The following MBD5 variants were observed in gnomAD, a reference collection of about 807,000 sequenced individuals.
MBD5 encodes methyl-CpG-binding domain protein 5.
In MBD5, 13 loss-of-function variants were observed where a neutral mutation model predicts 117.3. The ratio of observed to expected loss-of-function variants is 0.11; its 90% CI spans 0.07 to 0.18. The LOEUF is 0.18. Ranked by LOEUF, MBD5 falls within the 10% of genes least tolerant of loss-of-function variation. MBD5 has a pLI of 1.00. For synonymous variants in MBD5, 727 were observed against 766.4 expected (o/e 0.95, Z 0.85); for missense variants, 1,879 against 2,093.8 (o/e 0.90, Z 2.00).
intron 3 of MBD5, among the ~76,000 whole-genome samples, chr2:148,335,775 A>T (rs1162882181): frequency 6.6e-6 from 1 of 152,098 alleles, no homozygotes; most frequent in African/African-American, 2.4e-5. Context: ...GAGAAAGAAG[A>T]TAGGTCCACC....
At chr2:148,248,176 C>T (rs1030408573) in intron 3 of MBD5, among the ~76,000 whole-genome samples, 4 of 152,120 alleles carry the variant, frequency 2.6e-5, no homozygotes, top group Admixed American at 6.5e-5. Context: ...CCCGTCAGTA[C>T]GGACGTCCAA....
intron 1 of MBD5, among the ~76,000 whole-genome samples, chr2:148,060,047 AG>A (rs1694984072): frequency 7.0e-6 from 1 of 142,682 alleles, no homozygotes; most frequent in African/African-American, 2.6e-5. Flanking sequence ...GCATTTTAGG[AG>A]GCCGAAGCAG....
At chr2:148,087,633 G>A (rs1055777868) in intron 1 of MBD5, among the ~76,000 whole-genome samples, 1 of 152,124 alleles carries the variant, frequency 6.6e-6, no homozygotes, top group Non-Finnish European at 1.5e-5. Flanking sequence ...ACTGTAGTCT[G>A]GCTCTCAGGA....
intron 1 of MBD5, among the ~76,000 whole-genome samples, chr2:148,159,315 T>C (rs1697949690): frequency 6.6e-6 from 1 of 152,106 alleles, no homozygotes; most frequent in South Asian, 2.1e-4. Flanking sequence ...TTGTTGTTGT[T>C]GTTGTTGTTG....
intron 8 of MBD5, chr2:148,472,268 G>GTTAAAAAT (rs1056524735): frequency 5.3e-5 from 8 of 151,932 alleles, no homozygotes; most frequent in Non-Finnish European, 2.9e-5. Flanking sequence ...AAGCATATAG[G>GTTAAAAAT]TTAAAAATTT....
chr2:148,425,940 A>T (rs1705767202), intron 4 of MBD5, among the ~76,000 whole-genome samples: 1 of 152,156 alleles, frequency 6.6e-6, no homozygotes, highest in Admixed American at 6.6e-5. Context: ...GCTGATAAGC[A>T]ACTTCAGCAA....
At chr2:148,505,731 A>T (rs1037503993) in intron 12 of MBD5, among the ~76,000 whole-genome samples, 1 of 152,218 alleles carries the variant, frequency 6.6e-6, no homozygotes, top group Non-Finnish European at 1.5e-5. Context: ...AAGAATTTTT[A>T]AAATGACAAA....
intron 13 of MBD5, among the ~76,000 whole-genome samples, chr2:148,511,217 A>C (rs1682204036): frequency 6.6e-6 from 1 of 152,226 alleles, no homozygotes; most frequent in African/African-American, 2.4e-5. Context: ...GAATACTGCC[A>C]GCATAGGTTT....
intron 1 of MBD5, among the ~76,000 whole-genome samples, chr2:148,068,748 G>T (rs998825956): frequency 3.9e-5 from 6 of 152,082 alleles, no homozygotes; most frequent in Non-Finnish European, 7.4e-5. Flanking sequence ...GGTGATAATT[G>T]TAACTAATTA....
chr2:148,192,994 G>C (rs1247508554), intron 2 of MBD5, among the ~76,000 whole-genome samples: 1 of 93,872 alleles, frequency 1.1e-5, no homozygotes, highest in Admixed American at 1.3e-4. Flanking sequence ...AATCATGAGT[G>C]AACTCCCATT....
intron 1 of MBD5, among the ~76,000 whole-genome samples, chr2:148,130,163 G>A (rs1697001615): frequency 3.9e-5 from 6 of 152,140 alleles, no homozygotes; most frequent in Admixed American, 2.6e-4. Context: ...TCCTAAAAGA[G>A]AAGACTATAA....
At chr2:148,332,871 T>C (rs1431938058) in intron 3 of MBD5, among the ~76,000 whole-genome samples, 2 of 152,140 alleles carry the variant, frequency 1.3e-5, no homozygotes, top group Non-Finnish European at 2.9e-5. Context: ...TTTTTTTTCT[T>C]TTTATTTTCT....
intron 1 of MBD5, among the ~76,000 whole-genome samples, chr2:148,151,554 A>G (rs1474956934): frequency 2.0e-5 from 3 of 152,156 alleles, no homozygotes; most frequent in Admixed American, 6.6e-5. Flanking sequence ...AAAATTCGGC[A>G]TGAATCCATC....
At chr2:148,322,274 A>G (rs1574284044) in intron 3 of MBD5, among the ~76,000 whole-genome samples, 1 of 152,236 alleles carries the variant, frequency 6.6e-6, no homozygotes, top group East Asian at 1.9e-4. Context: ...AGCTTCATTT[A>G]TAACGTTCAA....
chr2:148,117,031 T>C (rs1163907128), intron 1 of MBD5, among the ~76,000 whole-genome samples: 1 of 152,204 alleles, frequency 6.6e-6, no homozygotes, highest in Non-Finnish European at 1.5e-5. Flanking sequence ...TGGTTTAATA[T>C]AGATAATGTA....
At chr2:148,416,796 A>G (rs1347825669) in intron 4 of MBD5, among the ~76,000 whole-genome samples, 1 of 152,058 alleles carries the variant, frequency 6.6e-6, no homozygotes, top group East Asian at 1.9e-4. Flanking sequence ...TGAGTATCCA[A>G]TGTTCTTTAT....
intron 1 of MBD5, among the ~76,000 whole-genome samples, chr2:148,067,148 G>A (rs1466145767): frequency 6.6e-6 from 1 of 152,208 alleles, no homozygotes; most frequent in Non-Finnish European, 1.5e-5. Flanking sequence ...GGTAATAGCT[G>A]TGCAAAATAG....
rs552923807 is a variant in MBD5 at position 148,262,094 on chromosome 2, T to C, written c.-680+28699T>C. On this transcript the variant is annotated intron_variant, in intron 3 of 13. Transcript: ENST00000642680. ...TTAGATGCAATAATAATGAAAAAATTTGAAATATTGCAAGAATTACCAAAA... is the reference window on the plus strand; with the variant it reads ...TTAGATGCAATAATAATGAAAAAATCTGAAATATTGCAAGAATTACCAAAA... Among the ~76,000 whole-genome samples, 12 of 152,156 alleles carry C rather than the reference T, an allele frequency of 7.9e-5. No individual in the cohort carries two copies. The East Asian group carries it at 2.1e-3, about 27-fold the overall frequency.
At chr2:148,412,014 TAA>T (rs1416195551) in intron 4 of MBD5, among the ~76,000 whole-genome samples, 2 of 152,180 alleles carry the variant, frequency 1.3e-5, no homozygotes, top group South Asian at 2.1e-4. Flanking sequence ...TCATCTATCT[TAA>T]GTTTGTTTTT....
Sources: allele counts gnomAD v4.1 joint callset (sites outside exome capture counted in the v4.1 genomes callset), GRCh38; gene constraint gnomAD v4.1.1; transcripts MANE v1.5; gene names NCBI Gene and HGNC (gene_info 2026-07-23, HGNC 2026-07-21).